Variants in KIAA1549L observed in about 807,000 individuals in gnomAD.
KIAA1549L encodes the protein KIAA1549 like.
KIAA1549L carries 88 observed loss-of-function variants against 160.7 expected under a neutral mutation model. That is an observed-to-expected ratio of 0.55 (90% CI 0.46 to 0.65). KIAA1549L has a LOEUF of 0.65. Among genes scored for constraint, KIAA1549L ranks in the 30% least tolerant of loss-of-function variants. KIAA1549L has a pLI of 0.00. For synonymous variants in KIAA1549L, 950 were observed against 976.7 expected (o/e 0.97, Z 0.51); for missense variants, 2,258 against 2,437.5 (o/e 0.93, Z 1.55).
In KIAA1549L at chr11:33,586,281, C is replaced by T. The variant is rs1350620266; in HGVS notation, c.4566+2780C>T. ...ATCCTTCTTGAGACTCAGTAATAAA[C>T]TTAACATGCTAAGCAGAGGAGGTGA... On this transcript the variant is annotated intron_variant, in intron 11 of 20. Transcript: ENST00000658780. Among the ~76,000 whole-genome samples the T allele has an allele frequency of 4.6e-5, 7 of 152,208 alleles. No individual in the cohort carries two copies. The East Asian group carries it at 1.3e-3, about 29-fold the overall frequency.
intron 5 of KIAA1549L, 135 bp downstream of exon 5, chr11:33,551,394 C>T: frequency 1.4e-6 from 1 of 713,302 alleles, no homozygotes. Context: ...TCAAAGGGTC[C>T]TGCTAATCAA....
intron 16 of KIAA1549L, among the ~76,000 whole-genome samples, chr11:33,623,467 T>G (rs978112469): frequency 2.0e-5 from 3 of 152,214 alleles, no homozygotes; most frequent in African/African-American, 7.2e-5. Flanking sequence ...AACCCTGGCT[T>G]GATATGTTAT....
At chr11:33,413,941 A>G (rs545239967) in intron 1 of KIAA1549L, among the ~76,000 whole-genome samples, 1 of 152,304 alleles carries the variant, frequency 6.6e-6, no homozygotes, top group Admixed American at 6.5e-5. Flanking sequence ...AGATTAGAGC[A>G]GGGATCTGAC....
chr11:33,524,970 G>T (rs983224997), intron 1 of KIAA1549L, among the ~76,000 whole-genome samples: 1 of 152,112 alleles, frequency 6.6e-6, no homozygotes, highest in African/African-American at 2.4e-5. Context: ...TAGAGAAAAG[G>T]GATTTATCAT....
rs1854044384 is a variant in KIAA1549L at position 33,542,270 on chromosome 11, G to A, written c.707G>A (p.Arg236Lys). Residue 236 changes from arginine (R) to lysine (K), a missense_variant, in exon 2 of 21, where the codon AGG becomes AAG. This residue lies in a region of KIAA1549L where 540 missense variants were observed against 465.7 expected (regional missense o/e 1.16). Transcript: ENST00000658780. The stretch of plus-strand genomic sequence containing the variant: ...TCCTCCATTTCAAAGCATCCCCCAA[G>A]GTCAGACATTCCCCCACTCCTCCCT... ...GTSSISKHPP[R>K]SDIPPLLPLP... 2 of 651,620 alleles carry A rather than the reference G, an allele frequency of 3.1e-6. No homozygotes were observed. The highest frequency in any genetic ancestry group is 2.2e-5 in the Admixed American group (1 of 46,020). 40.4% of individuals were successfully genotyped at this position (651,620 alleles called of 1,614,324 possible).
At chr11:33,436,839 AAGG>A (rs1314836941) in intron 1 of KIAA1549L, among the ~76,000 whole-genome samples, 24 of 152,276 alleles carry the variant, frequency 1.6e-4, no homozygotes, top group Admixed American at 1.2e-3. Context: ...GGGAGAAGTG[AAGG>A]AGTCCAGTAC....
chr11:33,502,403 T>C (rs950813810), intron 1 of KIAA1549L, among the ~76,000 whole-genome samples: 2 of 152,194 alleles, frequency 1.3e-5, no homozygotes, highest in African/African-American at 2.4e-5. Flanking sequence ...ATTTTTCCTC[T>C]GTGGAAAAGA....
chr11:33,566,743 C>T (rs1341327089), intron 8 of KIAA1549L, among the ~76,000 whole-genome samples: 1 of 152,208 alleles, frequency 6.6e-6, no homozygotes, highest in East Asian at 1.9e-4. Flanking sequence ...TGGTAGCCCC[C>T]TGTTGTACTG....
Position 33,670,497 on chromosome 11 carries a change from T to G in KIAA1549L, c.*2343T>G, listed in dbSNP as rs79489902. 3.9e-5 allele frequency: 6 copies of G among 152,334 alleles called. No individual in the cohort carries two copies. Among genetic ancestry groups the G allele is most frequent in the Non-Finnish European group, 5.9e-5 (4 of 68,040 alleles). The allele number at this position is 152,334 out of a possible 1,614,324, so 9.4% of individuals were successfully genotyped here. On this transcript the variant is annotated 3_prime_UTR_variant, in exon 21 of 21. Coordinates refer to ENST00000658780, the MANE Select transcript of KIAA1549L (RefSeq NM_012194.3). ...TAGCATGCTAAATCAGATACTGTCT[T>G]AAACTAGACACCATGGGTTCAAGAA...
At chr11:33,561,144 G>GA (rs1303931649) in intron 7 of KIAA1549L, among the ~76,000 whole-genome samples, 1 of 152,154 alleles carries the variant, frequency 6.6e-6, no homozygotes, top group African/African-American at 2.4e-5. Flanking sequence ...CCTTGACACT[G>GA]AAAAAATCTA....
chr11:33,520,432 C>CA (rs371639338), intron 1 of KIAA1549L, among the ~76,000 whole-genome samples: 1,460 of 139,836 alleles, frequency 0.01, 15 homozygotes, highest in African/African-American at 0.034. Flanking sequence ...ATGCCTTCTT[C>CA]AAAAAAAAAA....
At chr11:33,449,587 C>A (rs1851679954) in intron 1 of KIAA1549L, among the ~76,000 whole-genome samples, 1 of 152,162 alleles carries the variant, frequency 6.6e-6, no homozygotes, top group South Asian at 2.1e-4. Context: ...TGCTGTCAAG[C>A]CCTGTTTTGC....
At chr11:33,381,210 C>T (rs559520056) in intron 1 of KIAA1549L, among the ~76,000 whole-genome samples, 1 of 152,036 alleles carries the variant, frequency 6.6e-6, no homozygotes, top group South Asian at 2.1e-4. Context: ...GTTTGTGGAC[C>T]CCATTTTGAG....
At chr11:33,403,017 A>G (rs1487915416) in intron 1 of KIAA1549L, among the ~76,000 whole-genome samples, 1 of 152,124 alleles carries the variant, frequency 6.6e-6, no homozygotes, top group Admixed American at 6.5e-5. Flanking sequence ...CACGAGAGGC[A>G]ATACTCTTTT....
At chr11:33,461,493 A>G (rs1187949420) in intron 1 of KIAA1549L, among the ~76,000 whole-genome samples, 1 of 152,184 alleles carries the variant, frequency 6.6e-6, no homozygotes, top group Admixed American at 6.5e-5. Flanking sequence ...GGCATCCAGG[A>G]TCACTGAACT....
At chr11:33,592,431 T>C (rs1204865351) in intron 12 of KIAA1549L, among the ~76,000 whole-genome samples, 1 of 152,224 alleles carries the variant, frequency 6.6e-6, no homozygotes, top group Non-Finnish European at 1.5e-5. Flanking sequence ...ATGAACCCTA[T>C]GGCAAGCCGC....
intron 1 of KIAA1549L, among the ~76,000 whole-genome samples, chr11:33,437,246 C>T (rs918454188): frequency 6.6e-6 from 1 of 152,070 alleles, no homozygotes; most frequent in African/African-American, 2.4e-5. Flanking sequence ...ATTAGCTTGA[C>T]AAAGTGGCTT....
intron 3 of KIAA1549L, among the ~76,000 whole-genome samples, chr11:33,546,068 G>A (rs1005906953): frequency 1.3e-5 from 2 of 152,168 alleles, no homozygotes; most frequent in Non-Finnish European, 2.9e-5. Flanking sequence ...CCCAGCTGTA[G>A]CAAAGCAGGC....
At chr11:33,583,527 G>T in intron 11 of KIAA1549L, 26 bp downstream of exon 11, 1 of 1,554,628 alleles carries the variant, frequency 6.4e-7, no homozygotes, top group Admixed American at 1.9e-5. Flanking sequence ...GGGGAGAGGG[G>T]CAGGAGGACA....
Sources: allele counts gnomAD v4.1 joint callset (sites outside exome capture counted in the v4.1 genomes callset), GRCh38; gene constraint gnomAD v4.1.1; regional missense constraint gnomAD v4.1.1; transcripts MANE v1.5; gene names NCBI Gene and HGNC (gene_info 2026-07-23, HGNC 2026-07-21).